Variants in VAMP7 observed in about 807,000 individuals in gnomAD.
The protein encoded by VAMP7 is vesicle-associated membrane protein 7.
A neutral mutation model predicts 29.6 loss-of-function variants in VAMP7; 14 were observed. The observed-to-expected ratio is 0.47, with a 90% CI of 0.31 to 0.74. The LOEUF is 0.74. Among genes scored for constraint, VAMP7 ranks in the 30% least tolerant of loss-of-function variants. The probability of loss-of-function intolerance (pLI) is 0.05; values close to 1 mark genes in which losing one functional copy is unlikely to be tolerated. For synonymous variants in VAMP7, 95 were observed against 88.1 expected, an observed-to-expected ratio of 1.08 and a Z score of -0.44; for missense variants, 223 against 262.4, an observed-to-expected ratio of 0.85 and a Z score of 1.04.
intron 6 of VAMP7, among the ~76,000 whole-genome samples, chrX:155,935,646 A>C (rs2066641022): frequency 1.3e-5 from 2 of 151,848 alleles, no homozygotes; most frequent in Non-Finnish European, 1.5e-5. Flanking sequence ...CTGGGTTCAA[A>C]CTTCCTCCTT....
chrX:155,913,459 C>A (rs1256100401), intron 5 of VAMP7, among the ~76,000 whole-genome samples: 4 of 152,130 alleles, frequency 2.6e-5, no homozygotes, highest in African/African-American at 9.7e-5. Context: ...TACCTATGTC[C>A]TGAATGGTAT....
intron 2 of VAMP7, among the ~76,000 whole-genome samples, chrX:155,895,168 A>G (rs2065971542): frequency 2.0e-5 from 3 of 152,080 alleles, no homozygotes; most frequent in Admixed American, 2.0e-4. Context: ...GCTTTTTTGT[A>G]TCCTCAGCAT....
chrX:155,901,439 A>C (rs1468496845), intron 5 of VAMP7, among the ~76,000 whole-genome samples: 2 of 152,088 alleles, frequency 1.3e-5, no homozygotes, highest in Non-Finnish European at 2.9e-5. Context: ...TTGCAGATGC[A>C]TAAAGTTTCC....
chrX:155,930,302 C>A (rs1038693185), intron 6 of VAMP7, among the ~76,000 whole-genome samples: 1 of 152,014 alleles, frequency 6.6e-6, no homozygotes, highest in Non-Finnish European at 1.5e-5. Flanking sequence ...TTTTCCCCAC[C>A]CTAAATCACA....
intron 6 of VAMP7, among the ~76,000 whole-genome samples, chrX:155,938,890 T>C (rs1478203647): frequency 1.3e-5 from 2 of 152,236 alleles, no homozygotes; most frequent in East Asian, 3.8e-4. Context: ...TTTGTGAGAT[T>C]CATCTGTGGT....
intron 3 of VAMP7, 51 bp from the exon 4 acceptor site, chrX:155,898,061 A>G: frequency 6.3e-7 from 1 of 1,594,332 alleles, no homozygotes; most frequent in Admixed American, 1.8e-5. Context: ...AATCACTCAC[A>G]TCATCTTTGT....
At chrX:155,885,820 T>C (rs1302345414) in intron 1 of VAMP7, among the ~76,000 whole-genome samples, 2 of 152,180 alleles carry the variant, frequency 1.3e-5, no homozygotes, top group African/African-American at 4.8e-5. Context: ...GATTCTCTTC[T>C]ACAGGTTTCA....
chrX:155,923,142 G>A (rs2066419296), intron 6 of VAMP7, among the ~76,000 whole-genome samples: 1 of 151,840 alleles, frequency 6.6e-6, no homozygotes, highest in South Asian at 2.1e-4. Context: ...ATTTACACAT[G>A]TATTAAAAAC....
chrX:155,940,468 T>G lies in VAMP7; in HGVS notation c.594+675T>G. 3.3e-5 allele frequency among the ~76,000 whole-genome samples: 5 copies of G among 152,312 alleles called. No homozygotes were observed. The South Asian group carries it at 1.0e-3, about 32-fold the overall frequency. On this transcript the variant is annotated intron_variant, in intron 7 of 7. Coordinates refer to ENST00000286448, the MANE Select transcript of VAMP7 (RefSeq NM_005638.6). Reference sequence around the variant, plus strand: ...TCTGTAGATTTTATACTGGAAGTAATTGTCATGGCCTTGAATGGTTCCTTG... The same window carrying G: ...TCTGTAGATTTTATACTGGAAGTAAGTGTCATGGCCTTGAATGGTTCCTTG...
chrX:155,934,395 G>A (rs1395579538), intron 6 of VAMP7, among the ~76,000 whole-genome samples: 1 of 152,154 alleles, frequency 6.6e-6, no homozygotes, highest in East Asian at 1.9e-4. Context: ...TGTATTGGGT[G>A]CATAAATATT....
chrX:155,938,370 A>G (rs1232136200), intron 6 of VAMP7, among the ~76,000 whole-genome samples: 1 of 152,192 alleles, frequency 6.6e-6, no homozygotes, highest in East Asian at 1.9e-4. Context: ...TGCCCCTGTC[A>G]GTTGTTCTAC....
chrX:155,910,775 C>T (rs769753310), intron 5 of VAMP7, among the ~76,000 whole-genome samples: 5 of 152,126 alleles, frequency 3.3e-5, no homozygotes, highest in African/African-American at 1.2e-4. Flanking sequence ...ATGTCCTCTG[C>T]CCACTTTTTA....
chrX:155,916,114 C>T (rs1351642324), intron 5 of VAMP7, among the ~76,000 whole-genome samples: 1 of 152,092 alleles, frequency 6.6e-6, no homozygotes, highest in Non-Finnish European at 1.5e-5. Flanking sequence ...ATGTAATGCC[C>T]TTTTTTGTCT....
At chrX:155,935,697 A>G (rs1231871626) in intron 6 of VAMP7, among the ~76,000 whole-genome samples, 1 of 151,998 alleles carries the variant, frequency 6.6e-6, no homozygotes, top group African/African-American at 2.4e-5. Context: ...TTCTTTTCTC[A>G]ACTCGTCAAA....
chrX:155,931,416 G>A lies in VAMP7; in HGVS notation c.502-8285G>A, dbSNP rs766358022. Among the ~76,000 whole-genome samples the A allele has an allele frequency of 6.7e-3, 1,018 of 152,284 alleles. 4 individuals are homozygous for A. The highest frequency in any genetic ancestry group is 0.014 in the Middle Eastern group (4 of 294). ...ATGATCGCCATTCTAACTGGTGTGAGATGGTATCTCATTGTGGTTTTGATT... is the reference window on the plus strand; with the variant it reads ...ATGATCGCCATTCTAACTGGTGTGAAATGGTATCTCATTGTGGTTTTGATT... On this transcript the variant is annotated intron_variant, in intron 6 of 7. Coordinates refer to ENST00000286448, the MANE Select transcript of VAMP7 (RefSeq NM_005638.6).
At chrX:155,893,121 G>T in intron 2 of VAMP7, among the ~76,000 whole-genome samples, 1 of 152,236 alleles carries the variant, frequency 6.6e-6, no homozygotes, top group East Asian at 1.9e-4. Flanking sequence ...TGATGGCAGG[G>T]ATCATACCTT....
In VAMP7 at chrX:155,942,820, G is replaced by C. The variant is rs1420521377; in HGVS notation, c.*869G>C. On this transcript the variant is annotated 3_prime_UTR_variant, in exon 8 of 8. Transcript: ENST00000286448. The stretch of plus-strand genomic sequence containing the variant: ...AAAGAAAAAGAAGGGAACCACAGTG[G>C]ATATGCTAGCATTTTAGCTGTGCAA... 1.3e-5 allele frequency: 2 copies of C among 152,190 alleles called. No homozygotes were observed. Among genetic ancestry groups the C allele is most frequent in the African/African-American group, 4.8e-5 (2 of 41,400 alleles). 9.4% of individuals were successfully genotyped at this position (152,190 alleles called of 1,614,324 possible).
chrX:155,923,163 A>AT (rs1428012330), intron 6 of VAMP7, among the ~76,000 whole-genome samples: 21 of 151,908 alleles, frequency 1.4e-4, no homozygotes, highest in African/African-American at 5.1e-4. Context: ...TTCATAATAC[A>AT]TTGTTGTTGT....
intron 5 of VAMP7, among the ~76,000 whole-genome samples, chrX:155,909,272 G>A (rs1445526383): frequency 2.0e-5 from 3 of 152,270 alleles, no homozygotes; most frequent in Admixed American, 1.3e-4. Context: ...ACACACTCCT[G>A]TTTATAGAAT....
Sources: allele counts gnomAD v4.1 joint callset (sites outside exome capture counted in the v4.1 genomes callset), GRCh38; gene constraint gnomAD v4.1.1; transcripts MANE v1.5; gene names NCBI Gene and HGNC (gene_info 2026-07-23, HGNC 2026-07-21).